Variants in LRRTM4 observed in about 807,000 individuals in gnomAD.
The protein encoded by LRRTM4 is leucine rich repeat transmembrane neuronal 4.
LRRTM4 carries 25 observed loss-of-function variants against 47.6 expected under a neutral mutation model. That is an observed-to-expected ratio of 0.53 (90% CI 0.38 to 0.73). The LOEUF (loss-of-function observed/expected upper bound fraction) is 0.73, where lower values mean the gene tolerates loss of function less well. Among genes scored for constraint, LRRTM4 ranks in the 30% least tolerant of loss-of-function variants. The pLI is 0.00. For synonymous variants in LRRTM4, 311 were observed against 269.5 expected (o/e 1.15, Z -1.51); for missense variants, 638 against 713.4 (o/e 0.89, Z 1.20).
chr2:76,777,217 G>A (rs139417284), intron 3 of LRRTM4, among the ~76,000 whole-genome samples: 2,268 of 150,636 alleles, frequency 0.015, 113 homozygotes, highest in African/African-American at 0.049. Context: ...TGTTCTTTTG[G>A]CTTAGGATTG....
intron 3 of LRRTM4, among the ~76,000 whole-genome samples, chr2:77,125,593 G>A (rs1240163909): frequency 6.6e-6 from 1 of 152,132 alleles, no homozygotes; most frequent in Admixed American, 6.5e-5. Context: ...TTTTTAAGAT[G>A]CTTCTTAGCA....
intron 3 of LRRTM4, among the ~76,000 whole-genome samples, chr2:76,801,778 T>A (rs1675704848): frequency 6.6e-6 from 1 of 152,078 alleles, no homozygotes; most frequent in Admixed American, 6.6e-5. Context: ...TTCACCACGA[T>A]CAAATGAGAT....
chr2:76,923,389 T>TA (rs1198746582), intron 3 of LRRTM4, among the ~76,000 whole-genome samples: 1 of 151,854 alleles, frequency 6.6e-6, no homozygotes, highest in African/African-American at 2.4e-5. Flanking sequence ...TAAAATTACA[T>TA]AAATTTACTA....
At chr2:77,374,339 G>A (rs1261505958) in intron 3 of LRRTM4, among the ~76,000 whole-genome samples, 1 of 151,670 alleles carries the variant, frequency 6.6e-6, no homozygotes, top group Non-Finnish European at 1.5e-5. Context: ...ATTAGGCAGT[G>A]GATTTCTCTC....
At chr2:77,410,615 G>T (rs1475223589) in intron 3 of LRRTM4, among the ~76,000 whole-genome samples, 8 of 152,298 alleles carry the variant, frequency 5.3e-5, no homozygotes, top group African/African-American at 1.9e-4. Context: ...GAGAAGGCAG[G>T]ATGCTGAAGA....
intron 3 of LRRTM4, among the ~76,000 whole-genome samples, chr2:77,016,948 G>T (rs1433277926): frequency 6.6e-6 from 1 of 151,708 alleles, no homozygotes; most frequent in South Asian, 2.1e-4. Context: ...CTGTAGTTAG[G>T]GTCATATCTT....
intron 3 of LRRTM4, among the ~76,000 whole-genome samples, chr2:77,466,662 A>C (rs1330569069): frequency 6.6e-6 from 1 of 151,932 alleles, no homozygotes; most frequent in Non-Finnish European, 1.5e-5. Flanking sequence ...TCTCCAATAA[A>C]ATATTTGGTG....
intron 3 of LRRTM4, among the ~76,000 whole-genome samples, chr2:77,429,806 C>T (rs1163757109): frequency 1.3e-5 from 2 of 152,134 alleles, no homozygotes; most frequent in Non-Finnish European, 2.9e-5. Context: ...TGTCTCATGC[C>T]TGTAATCACA....
chr2:77,489,379 T>C (rs1678050653), intron 3 of LRRTM4, among the ~76,000 whole-genome samples: 1 of 152,230 alleles, frequency 6.6e-6, no homozygotes, highest in Admixed American at 6.5e-5. Context: ...TAGAACTGTC[T>C]ACTGATATTC....
chr2:77,272,935 AT>A (rs932010190), intron 3 of LRRTM4, among the ~76,000 whole-genome samples: 22 of 152,254 alleles, frequency 1.4e-4, no homozygotes, highest in African/African-American at 4.8e-4. Flanking sequence ...GGAGAGCCAT[AT>A]TTTTACATAT....
At chr2:76,940,340 C>A (rs776515647) in intron 3 of LRRTM4, among the ~76,000 whole-genome samples, 1 of 152,090 alleles carries the variant, frequency 6.6e-6, no homozygotes, top group African/African-American at 2.4e-5. Flanking sequence ...TTTGCAGGAA[C>A]ATGGAGAGAG....
At chr2:77,441,905 C>A (rs1675856492) in intron 3 of LRRTM4, among the ~76,000 whole-genome samples, 2 of 152,078 alleles carry the variant, frequency 1.3e-5, no homozygotes, top group South Asian at 4.1e-4. Context: ...GGTCAAAAGT[C>A]TTCTTTTGAA....
chr2:77,182,916 C>G lies in LRRTM4; in HGVS notation c.1551+335402G>C, dbSNP rs567725446. ...CTGAAACTGGATCCCTTCCTTACAC[C>G]TTATACAAAAATTAATTCAAGATGG... On this transcript the variant is annotated intron_variant, in intron 3 of 3. Coordinates refer to ENST00000409884, the MANE Select transcript of LRRTM4 (RefSeq NM_001134745.3). 1.2e-3 allele frequency among the ~76,000 whole-genome samples: 179 copies of G among 152,190 alleles called. 1 individual carries two copies. The highest frequency in any genetic ancestry group is 6.8e-3 in the Middle Eastern group (2 of 292).
At chr2:77,356,975 A>T (rs1296635103) in intron 3 of LRRTM4, among the ~76,000 whole-genome samples, 1 of 152,114 alleles carries the variant, frequency 6.6e-6, no homozygotes, top group Non-Finnish European at 1.5e-5. Context: ...AATTCACTAT[A>T]CCTTCCTCTT....
chr2:77,243,029 T>C (rs1180807529), intron 3 of LRRTM4, among the ~76,000 whole-genome samples: 2 of 152,092 alleles, frequency 1.3e-5, no homozygotes, highest in Non-Finnish European at 2.9e-5. Context: ...GGTAGTGAAA[T>C]AACATTCAAT....
At chr2:76,783,368 T>A (rs1414715294) in intron 3 of LRRTM4, among the ~76,000 whole-genome samples, 3 of 152,154 alleles carry the variant, frequency 2.0e-5, no homozygotes, top group East Asian at 1.9e-4. Flanking sequence ...TTTTAAAAAC[T>A]TTTTTTAATG....
At chr2:77,082,394 G>A (rs1367786640) in intron 3 of LRRTM4, among the ~76,000 whole-genome samples, 1 of 151,948 alleles carries the variant, frequency 6.6e-6, no homozygotes, top group Non-Finnish European at 1.5e-5. Flanking sequence ...GCTGTATTTT[G>A]TTCTTTTCAT....
intron 3 of LRRTM4, among the ~76,000 whole-genome samples, chr2:76,998,960 C>T (rs1371364610): frequency 6.6e-6 from 1 of 151,192 alleles, no homozygotes; most frequent in Non-Finnish European, 1.5e-5. Context: ...TGTAACTACT[C>T]GCCCTAACAT....
chr2:77,385,580 C>T (rs1673228800), intron 3 of LRRTM4, among the ~76,000 whole-genome samples: 1 of 152,036 alleles, frequency 6.6e-6, no homozygotes, highest in African/African-American at 2.4e-5. Context: ...AGTATAATTT[C>T]TGATATCCTT....
Sources: allele counts gnomAD v4.1 joint callset (sites outside exome capture counted in the v4.1 genomes callset), GRCh38; gene constraint gnomAD v4.1.1; transcripts MANE v1.5; gene names NCBI Gene and HGNC (gene_info 2026-07-23, HGNC 2026-07-21).